NSD2: variants seen among roughly 807,000 people sequenced by gnomAD.
NSD2 encodes histone-lysine N-methyltransferase NSD2.
NSD2 carries 12 observed loss-of-function variants against 139.0 expected under a neutral mutation model. That is an observed-to-expected ratio of 0.09 (90% confidence interval 0.06 to 0.14). The LOEUF (loss-of-function observed/expected upper bound fraction) is 0.14, where lower values mean the gene tolerates loss of function less well. NSD2 is among the 10% of genes least tolerant of loss of function. NSD2 has a pLI of 1.00. For synonymous variants in NSD2, 669 were observed against 648.7 expected (o/e 1.03, Z -0.48); for missense variants, 1,155 against 1,745.0 (o/e 0.66, Z 6.02).
Position 1,978,769 on chromosome 4 carries a change from C to T in NSD2, c.3958C>T (p.Arg1320Trp), listed in dbSNP as rs151213547. ...GTAFSCTPDG[R>W]SYCCEHDLGA... Reference sequence around the variant, plus strand: ...AGCCTTCAGCTGCACCCCGGACGGGCGGTCCTACTGCTGTGAGCATGACTT... The same window carrying T: ...AGCCTTCAGCTGCACCCCGGACGGGTGGTCCTACTGCTGTGAGCATGACTT... The change falls in exon 22 of 22, where the codon CGG becomes TGG. Residue 1320 changes from arginine (R) to tryptophan (W), a missense_variant. Around this residue, in one of 8 missense-constraint regions of NSD2, gnomAD observed 132 missense variants for 94.3 expected, o/e 1.40. Transcript: ENST00000508803. 53 of 1,613,894 alleles carry T rather than the reference C, an allele frequency of 3.3e-5. No homozygotes were observed. Among genetic ancestry groups the T allele is most frequent in the Non-Finnish European group, 4.1e-5 (48 of 1,179,922 alleles).
intron 7 of NSD2, among the ~76,000 whole-genome samples, chr4:1,937,608 A>G (rs941525697): frequency 4.6e-5 from 7 of 152,278 alleles, no homozygotes; most frequent in South Asian, 4.1e-4. Flanking sequence ...ATGACACCCA[A>G]TGTGCACTGA....
chr4:1,975,438 G>C (rs1337029633), intron 20 of NSD2, 38 bp downstream of exon 20: 3 of 1,598,544 alleles, frequency 1.9e-6, no homozygotes, highest in Non-Finnish European at 2.6e-6. Context: ...CAGGCTCTGT[G>C]TTGGCATTTT....
rs1337213459 is a variant in NSD2 at position 1,955,752 on chromosome 4, A to T, written c.2578A>T (p.Ile860Phe). Reference protein sequence around the residue: ...PAAFHPDCLNIEMPDGSWFCN... With the variant: ...PAAFHPDCLNFEMPDGSWFCN... ...GGCCTTCCACCCTGACTGCCTGAACATCGAGATGCCTGACGGCAGCTGGTT... is the reference window on the plus strand; with the variant it reads ...GGCCTTCCACCCTGACTGCCTGAACTTCGAGATGCCTGACGGCAGCTGGTT... Residue 860 changes from isoleucine to phenylalanine, a missense_variant, in exon 14 of 22, where the codon ATC becomes TTC. Coordinates refer to ENST00000508803, the MANE Select transcript of NSD2 (RefSeq NM_001042424.3). This position sits in a 1 kb window ranked among gnomAD's most constrained non-coding sequence, Gnocchi z 4.7. 2 of 1,614,028 alleles carry T rather than the reference A, an allele frequency of 1.2e-6. No individual in the cohort carries two copies. Among genetic ancestry groups the T allele is most frequent in the Non-Finnish European group, 1.7e-6 (2 of 1,180,010 alleles).
chr4:1,938,384 TTTCCTTTTTTTCTTTTC>T, intron 7 of NSD2, 50 bp from the exon 8 acceptor site: 1 of 1,259,590 alleles, frequency 7.9e-7, no homozygotes, highest in Admixed American at 3.4e-5. Flanking sequence ...TTTCTTTTTT[TTTCCTTTTTTTCTTTTC>T]TTTTTTTTTT....
At chr4:1,975,496 C>G (rs1249251881) in intron 20 of NSD2, 96 bp downstream of exon 20, 1 of 1,170,166 alleles carries the variant, frequency 8.5e-7, no homozygotes, top group African/African-American at 1.5e-5. Context: ...TTCCTCCAGG[C>G]TGGCTTGTTG....
chr4:1,944,090 T>TG (rs772494131), intron 9 of NSD2: 1 of 1,063,026 alleles, frequency 9.4e-7, no homozygotes, highest in Non-Finnish European at 1.1e-6. Flanking sequence ...CAGCGGGGGG[T>TG]GGGGTGACAT....
At chr4:1,921,773 C>T (rs1182484907) in intron 5 of NSD2, among the ~76,000 whole-genome samples, 2 of 143,806 alleles carry the variant, frequency 1.4e-5, no homozygotes, top group East Asian at 4.0e-4. Context: ...CACAGCAAGA[C>T]TCTGTCTCAA....
At position 1,972,779 on chromosome 4, in the gene NSD2, C is replaced by T. The variant is rs1238187997; in HGVS notation, c.3373-2084C>T. On this transcript the variant is annotated intron_variant, in intron 18 of 21. Transcript: ENST00000508803. The surrounding 1 kb of genome is among the most constrained non-coding windows in gnomAD (Gnocchi z 4.0). ...GTAAAATAGTTGCATAAGGCGGAGGCAGCTTTGTGAGAAAAGACATTGTGC... is the reference window on the plus strand; with the variant it reads ...GTAAAATAGTTGCATAAGGCGGAGGTAGCTTTGTGAGAAAAGACATTGTGC... 6.6e-6 allele frequency among the ~76,000 whole-genome samples: 1 copy of T among 152,226 alleles called. No individual in the cohort carries two copies. Among genetic ancestry groups the T allele is most frequent in the Non-Finnish European group, 1.5e-5 (1 of 68,042 alleles).
chr4:1,938,299 C>T (rs1424958122), intron 7 of NSD2, 152 bp from the exon 8 acceptor site: 3 of 607,750 alleles, frequency 4.9e-6, no homozygotes, highest in Non-Finnish European at 7.7e-6. Flanking sequence ...AAGTTTCTGC[C>T]ACGAAACTTT....
At position 1,976,341 on chromosome 4, in the gene NSD2, T is replaced by A; in HGVS notation, c.3622-134T>A. 1.1e-6 allele frequency: 1 copy of A among 938,220 alleles called. No individual in the cohort carries two copies. Among genetic ancestry groups the A allele is most frequent in the Non-Finnish European group, 1.6e-6 (1 of 617,684 alleles). 58.1% of individuals were successfully genotyped at this position (938,220 alleles called of 1,614,324 possible). On this transcript the variant is annotated intron_variant, in intron 20 of 21. Transcript: ENST00000508803. This position sits in a 1 kb window ranked among gnomAD's most constrained non-coding sequence, Gnocchi z 5.3. Reference sequence around the variant, plus strand: ...TGTCTGGGGAGCACGAGGAGGACACTCCTCTCCTCTCCTCTTAGTGTTGGG... The same window carrying A: ...TGTCTGGGGAGCACGAGGAGGACACACCTCTCCTCTCCTCTTAGTGTTGGG...
At chr4:1,875,776 G>A (rs1302871909) in intron 1 of NSD2, among the ~76,000 whole-genome samples, 1 of 151,202 alleles carries the variant, frequency 6.6e-6, no homozygotes, top group Non-Finnish European at 1.5e-5. Context: ...GGGCATGGTG[G>A]TGGACGCCTG....
chr4:1,931,530 A>C lies in NSD2; in HGVS notation c.1555+760A>C, dbSNP rs1018966735. On this transcript the variant is annotated intron_variant, in intron 6 of 21. Coordinates refer to ENST00000508803, the MANE Select transcript of NSD2 (RefSeq NM_001042424.3). ...TAGGGTATCAATTTAAAATTAAAAAAAAAAGTACTGTATATCTGAAGAGTC... is the reference window on the plus strand; with the variant it reads ...TAGGGTATCAATTTAAAATTAAAAACAAAAGTACTGTATATCTGAAGAGTC... Among the ~76,000 whole-genome samples, 4 of 152,234 alleles carry C rather than the reference A, an allele frequency of 2.6e-5. No homozygotes were observed. In the East Asian group the frequency reaches 5.8e-4, roughly 22 times the overall value.
intron 1 of NSD2, among the ~76,000 whole-genome samples, chr4:1,891,817 A>G (rs1396703244): frequency 6.7e-6 from 1 of 148,462 alleles, no homozygotes; most frequent in Non-Finnish European, 1.5e-5. Context: ...AGATCGCGCC[A>G]TTGCACTCCA....
chr4:1,917,744 T>C (rs994074619), intron 4 of NSD2, among the ~76,000 whole-genome samples: 15 of 152,036 alleles, frequency 9.9e-5, no homozygotes, highest in Admixed American at 2.0e-4. Flanking sequence ...CCAAGTTTTT[T>C]ATTTCTAAAA....
At chr4:1,938,412 CTTTCTTT>C in intron 7 of NSD2, 32 bp from the exon 8 acceptor site, 2 of 635,580 alleles carry the variant, frequency 3.1e-6, no homozygotes, top group South Asian at 3.6e-5. Flanking sequence ...TTTTTTTTTT[CTTTCTTT>C]TTTTTTTTTT....
At chr4:1,977,179 C>T (rs184625941) in intron 21 of NSD2, among the ~76,000 whole-genome samples, 17 of 152,346 alleles carry the variant, frequency 1.1e-4, no homozygotes, top group Admixed American at 2.0e-4. Flanking sequence ...CAGGAGGCTC[C>T]GCCGGTTGAC....
chr4:1,938,400 T>TG, intron 7 of NSD2, 51 bp from the exon 8 acceptor site: 4 of 1,257,794 alleles, frequency 3.2e-6, no homozygotes, highest in African/African-American at 3.3e-5. Flanking sequence ...TTTTTTCTTT[T>TG]CTTTTTTTTT....
intron 6 of NSD2, among the ~76,000 whole-genome samples, chr4:1,931,843 A>G (rs969171179): frequency 1.2e-4 from 19 of 152,192 alleles, no homozygotes; most frequent in African/African-American, 3.4e-4. Flanking sequence ...ACCTCACTCT[A>G]TCAGTACACT....
Position 1,939,794 on chromosome 4 carries a change from T to C in NSD2, c.1881+16T>C, listed in dbSNP as rs760548640. 1.9e-6 allele frequency: 3 copies of C among 1,614,008 alleles called. No individual in the cohort carries two copies. Among genetic ancestry groups the C allele is most frequent in the African/African-American group, 1.3e-5 (1 of 74,924 alleles). On this transcript the variant is annotated intron_variant, in intron 9 of 21. Coordinates refer to ENST00000508803, the MANE Select transcript of NSD2 (RefSeq NM_001042424.3). ...TGAGAATGAGGTAAAATAATAATAATAACGATAACCATGGCATTGGTATGA... is the reference window on the plus strand; with the variant it reads ...TGAGAATGAGGTAAAATAATAATAACAACGATAACCATGGCATTGGTATGA...
Sources: allele counts gnomAD v4.1 joint callset (sites outside exome capture counted in the v4.1 genomes callset), GRCh38; gene constraint gnomAD v4.1.1; regional missense constraint gnomAD v4.1.1; non-coding constraint Gnocchi (gnomAD v3.1); transcripts MANE v1.5; gene names NCBI Gene and HGNC (gene_info 2026-07-23, HGNC 2026-07-21).